The following PCDHA1 variants were observed in gnomAD, a reference collection of about 807,000 sequenced individuals.
The protein encoded by PCDHA1 is protocadherin alpha 1, also known as protocadherin alpha-1.
A neutral mutation model predicts 61.3 loss-of-function variants in PCDHA1; 42 were observed. The ratio of observed to expected loss-of-function variants is 0.69; its 90% CI spans 0.54 to 0.89. PCDHA1 has a LOEUF of 0.89. Among genes scored for constraint, PCDHA1 ranks in the 40% least tolerant of loss-of-function variants. The pLI is 0.00. For missense variants in PCDHA1, 1,256 were observed against 1,235.3 expected, an observed-to-expected ratio of 1.02 and a Z score of -0.25; for synonymous variants, 610 against 553.8, an observed-to-expected ratio of 1.10 and a Z score of -1.43.
chr5:140,824,329 A>T (rs1581809489), intron 1 of PCDHA1: 1 of 658,076 alleles, frequency 1.5e-6, no homozygotes, highest in African/African-American at 1.8e-5. Context: ...TTTCTGTGAT[A>T]TTAAGTGTTT....
At chr5:140,905,036 T>A (rs2071554831) in intron 1 of PCDHA1, among the ~76,000 whole-genome samples, 1 of 152,222 alleles carries the variant, frequency 6.6e-6, no homozygotes, top group Non-Finnish European at 1.5e-5. Flanking sequence ...AGCTTTTTAG[T>A]TTAATTAGGT....
chr5:140,858,664 A>C lies in PCDHA1; in HGVS notation c.2394+69980A>C, dbSNP rs972477672. ...TGGTACTTAAATTTTTTTAAATAAC[A>C]ATTTATTCTGAATACACTAATATTT... On this transcript the variant is annotated intron_variant, in intron 1 of 3. Transcript: ENST00000504120. 30 of 728,612 alleles carry C rather than the reference A, an allele frequency of 4.1e-5. No homozygotes were observed. In the African/African-American group the frequency reaches 4.8e-4, roughly 12 times the overall value. 45.1% of individuals were successfully genotyped at this position (728,612 alleles called of 1,614,324 possible).
At chr5:140,895,647 C>A (rs954657912) in intron 1 of PCDHA1, among the ~76,000 whole-genome samples, 2 of 151,996 alleles carry the variant, frequency 1.3e-5, no homozygotes, top group African/African-American at 4.8e-5. Flanking sequence ...TTTTTAGCTC[C>A]CACTTATAAG....
chr5:140,823,126 G>A, intron 1 of PCDHA1: 2 of 1,614,022 alleles, frequency 1.2e-6, no homozygotes, highest in Non-Finnish European at 1.7e-6. Context: ...GAACGACAAC[G>A]CTCCGGCGTT....
At chr5:140,967,424 G>A (rs1554229541) in intron 1 of PCDHA1, 4 of 1,613,184 alleles carry the variant, frequency 2.5e-6, no homozygotes, top group Non-Finnish European at 2.5e-6. Context: ...CCGGGAGCAG[G>A]CAGCCTTGCA....
At chr5:140,856,956 T>C (rs781976306) in intron 1 of PCDHA1, 1 of 1,593,360 alleles carries the variant, frequency 6.3e-7, no homozygotes, top group South Asian at 1.1e-5. Context: ...GAAATAAAAG[T>C]AAATGATGCT....
intron 1 of PCDHA1, chr5:140,850,341 G>A: frequency 6.3e-7 from 1 of 1,597,748 alleles, no homozygotes. Flanking sequence ...GCCAGAAACG[G>A]CCAGCGCGAG....
intron 3 of PCDHA1, among the ~76,000 whole-genome samples, chr5:141,003,290 G>A (rs1302166316): frequency 1.3e-5 from 2 of 152,176 alleles, no homozygotes; most frequent in Non-Finnish European, 2.9e-5. Flanking sequence ...TTGGATTATA[G>A]GATTACATGA....
chr5:140,794,136 T>A (rs1231041653), intron 1 of PCDHA1, among the ~76,000 whole-genome samples: 1 of 152,218 alleles, frequency 6.6e-6, no homozygotes, highest in Non-Finnish European at 1.5e-5. Flanking sequence ...AATACTTGAA[T>A]GAATAAACAA....
At chr5:140,942,338 G>A (rs1554214916) in intron 1 of PCDHA1, among the ~76,000 whole-genome samples, 1 of 152,042 alleles carries the variant, frequency 6.6e-6, no homozygotes, top group African/African-American at 2.4e-5. Flanking sequence ...TGAACCAGAG[G>A]GAGGCGGAGG....
intron 1 of PCDHA1, chr5:140,883,056 A>G (rs1554176597): frequency 6.2e-7 from 1 of 1,614,176 alleles, no homozygotes; most frequent in Admixed American, 1.7e-5. Context: ...TTAGTGATCA[A>G]GCTAAATGCC....
intron 1 of PCDHA1, chr5:140,795,633 G>A (rs1761976689): frequency 1.2e-6 from 2 of 1,614,126 alleles, no homozygotes; most frequent in Non-Finnish European, 8.5e-7. Context: ...CTGAGCTCAC[G>A]GGCACCGTTC....
In PCDHA1 at chr5:140,841,101, CG is replaced by C. The variant is rs1220554123; in HGVS notation, c.2394+52419del. 6.9e-6 allele frequency: 4 copies of C among 575,664 alleles called. No individual in the cohort carries two copies. The African/African-American group carries it at 7.5e-5, about 11-fold the overall frequency. The allele number at this position is 575,664 out of a possible 1,614,324, so 35.7% of individuals were successfully genotyped here. A position where few individuals can be genotyped will look rare whatever the true frequency, so the allele number is the denominator to read the frequency against. ...AGTGCATAGAAGAACCCAGATATTG[CG>C]GAAGTAATTCATGTAATCATTACCT... On this transcript the variant is annotated intron_variant, in intron 1 of 3. Coordinates refer to ENST00000504120, the MANE Select transcript of PCDHA1 (RefSeq NM_018900.4).
intron 1 of PCDHA1, chr5:140,822,534 T>G (rs2150117075): frequency 6.2e-7 from 1 of 1,613,922 alleles, no homozygotes; most frequent in Non-Finnish European, 8.5e-7. Context: ...TGTTGGAAAA[T>G]GCACCAAGTG....
At chr5:140,808,651 G>T (rs144041965) in intron 1 of PCDHA1, 2 of 1,613,310 alleles carry the variant, frequency 1.2e-6, no homozygotes, top group African/African-American at 1.3e-5. Flanking sequence ...AGGAGAACGC[G>T]CTGGTGTCCT....
chr5:140,884,440 G>C (rs1554181563), intron 1 of PCDHA1: 5 of 1,613,830 alleles, frequency 3.1e-6, no homozygotes, highest in Non-Finnish European at 2.5e-6. Context: ...TGCGGTGCTC[G>C]GCACCGCCCA....
chr5:140,998,781 C>G (rs1554256464), intron 3 of PCDHA1, among the ~76,000 whole-genome samples: 1 of 152,162 alleles, frequency 6.6e-6, no homozygotes, highest in East Asian at 1.9e-4. Context: ...TCAGGCTGGT[C>G]TGGAACCCCT....
At position 140,870,848 on chromosome 5, in the gene PCDHA1, G is replaced by C. The variant is rs368769297; in HGVS notation, c.2394+82164G>C. The C allele has an allele frequency of 2.2e-5, 35 of 1,613,876 alleles. No homozygotes were observed. In the African/African-American group the frequency reaches 3.3e-4, roughly 15 times the overall value. ...GGCGCAGTTAACAAGCTAGTACCGCGGTCGGTGGGTGCGGGCCACGTGGTG... is the reference window on the plus strand; with the variant it reads ...GGCGCAGTTAACAAGCTAGTACCGCCGTCGGTGGGTGCGGGCCACGTGGTG... On this transcript the variant is annotated intron_variant, in intron 1 of 3. Transcript: ENST00000504120.
rs2150235707 is a variant in PCDHA1 at position 140,835,435 on chromosome 5, C to T, written c.2394+46751C>T. 9.9e-6 allele frequency: 16 copies of T among 1,613,906 alleles called. 1 individual carries two copies. The highest frequency in any genetic ancestry group is 3.3e-5 in the Admixed American group (2 of 60,014). On this transcript the variant is annotated intron_variant, in intron 1 of 3. Coordinates refer to ENST00000504120, the MANE Select transcript of PCDHA1 (RefSeq NM_018900.4). ...GTAAATGACAATGCTCCACAGTTGA[C>T]TCTCACTTCCCTGTCTCTCCCTATT...
Sources: allele counts gnomAD v4.1 joint callset (sites outside exome capture counted in the v4.1 genomes callset), GRCh38; gene constraint gnomAD v4.1.1; transcripts MANE v1.5; gene names NCBI Gene and HGNC (gene_info 2026-07-23, HGNC 2026-07-21).